SLC7A14: variants seen among roughly 807,000 people sequenced by gnomAD.
The protein encoded by SLC7A14 is solute carrier family 7 member 14, also known as gamma-aminobutyric acid transporter SLC7A14.
Under a neutral mutation model 60.2 loss-of-function variants are expected in SLC7A14, and 37 were observed. The ratio of observed to expected loss-of-function variants is 0.61; its 90% CI spans 0.47 to 0.81. SLC7A14 has a LOEUF of 0.81. Among genes scored for constraint, SLC7A14 ranks in the 30% least tolerant of loss-of-function variants. SLC7A14 has a pLI of 0.00. For synonymous variants in SLC7A14, 399 were observed against 395.8 expected (o/e 1.01, Z -0.10); for missense variants, 886 against 982.7 (o/e 0.90, Z 1.32).
chr3:170,460,034 C>T lies in SLC7A14; in HGVS notation c.*7021G>A, dbSNP rs1739563267. ...TGAAAATAAAACACATTTCATAATA[C>T]ATCTGCATATTATTTCTTTCTTCAT... is the stretch of plus-strand genomic sequence containing the variant. On this transcript the variant is annotated 3_prime_UTR_variant, in exon 8 of 8. Transcript: ENST00000231706. 1.3e-5 allele frequency: 2 copies of T among 152,238 alleles called. No individual in the cohort carries two copies. The highest frequency in any genetic ancestry group is 4.8e-5 in the African/African-American group (2 of 41,526). 9.4% of individuals were successfully genotyped at this position (152,238 alleles called of 1,614,324 possible).
rs745685632 is a variant in SLC7A14 at position 170,480,276 on chromosome 3, G to A, written c.1993+13C>T. On this transcript the variant is annotated intron_variant, in intron 7 of 7. Coordinates refer to ENST00000231706, the MANE Select transcript of SLC7A14 (RefSeq NM_020949.3). ...AAAAGGGAACTCTTAAGGCTCCAAA[G>A]GAAGTTGCTTACCCACAAAGCACCA... 20 of 1,519,170 alleles carry A rather than the reference G, an allele frequency of 1.3e-5. No individual in the cohort carries two copies. In the African/African-American group the frequency reaches 2.5e-4, roughly 19 times the overall value. The allele number at this position is 1,519,170 out of a possible 1,614,324, so 94.1% of individuals were successfully genotyped here. A position where few individuals can be genotyped will look rare whatever the true frequency, so the allele number is the denominator to read the frequency against.
chr3:170,478,562 T>C (rs1476002495), intron 7 of SLC7A14, among the ~76,000 whole-genome samples: 1 of 152,142 alleles, frequency 6.6e-6, no homozygotes, highest in African/African-American at 2.4e-5. Flanking sequence ...GGAAGACATA[T>C]GCCCTTTCCA....
At chr3:170,510,408 ATAAAT>A (rs1712941645) in intron 2 of SLC7A14, among the ~76,000 whole-genome samples, 2 of 143,530 alleles carry the variant, frequency 1.4e-5, no homozygotes, top group Middle Eastern at 3.2e-3. Flanking sequence ...AAATAAATAA[ATAAAT>A]AAATAAATAA....
intron 2 of SLC7A14, among the ~76,000 whole-genome samples, chr3:170,505,898 AAG>A (rs1417086882): frequency 2.6e-5 from 4 of 152,164 alleles, no homozygotes; most frequent in African/African-American, 4.8e-5. Flanking sequence ...AAAAAAAAAA[AAG>A]AGAGATTAAC....
chr3:170,494,508 C>T (rs968687681), intron 4 of SLC7A14, among the ~76,000 whole-genome samples: 1 of 152,174 alleles, frequency 6.6e-6, no homozygotes, highest in Non-Finnish European at 1.5e-5. Flanking sequence ...ATAAAGGCCT[C>T]AGAACAAAAC....
Position 170,561,258 on chromosome 3 carries a change from G to A in SLC7A14, c.-153+24653C>T, listed in dbSNP as rs147249863. ...CAGTCTTCTTCAGGATTAATACAGA[G>A]CCTAGCAAGCTTCTTGCAGCAAATA... On this transcript the variant is annotated intron_variant, in intron 1 of 7. Transcript: ENST00000231706. Among the ~76,000 whole-genome samples, 347 of 152,312 alleles carry A rather than the reference G, an allele frequency of 2.3e-3. 1 individual carries two copies. The highest frequency in any genetic ancestry group is 7.9e-3 in the African/African-American group (330 of 41,566).
intron 1 of SLC7A14, among the ~76,000 whole-genome samples, chr3:170,569,703 A>C (rs958111100): frequency 1.3e-5 from 2 of 152,062 alleles, no homozygotes; most frequent in Non-Finnish European, 2.9e-5. Flanking sequence ...TTATTGGTCT[A>C]TTCAGAGATT....
chr3:170,520,339 C>T (rs1171702404), intron 2 of SLC7A14, among the ~76,000 whole-genome samples: 1 of 152,192 alleles, frequency 6.6e-6, no homozygotes, highest in East Asian at 1.9e-4. Context: ...AAAGTAGGTA[C>T]TCAATAAGTG....
chr3:170,552,914 T>G (rs6802118), intron 1 of SLC7A14, among the ~76,000 whole-genome samples: 151,615 of 152,258 alleles, frequency 1, 75,488 homozygotes, highest in Middle Eastern at 1. Context: ...TTTCCTACAT[T>G]CCACCTAGCC....
intron 1 of SLC7A14, among the ~76,000 whole-genome samples, chr3:170,549,484 G>A (rs936902940): frequency 4.6e-5 from 7 of 152,176 alleles, no homozygotes; most frequent in Admixed American, 1.3e-4. Flanking sequence ...AAAGTGCTGG[G>A]ATTACAGACG....
intron 7 of SLC7A14, among the ~76,000 whole-genome samples, chr3:170,477,684 A>G (rs909559408): frequency 6.6e-6 from 1 of 152,248 alleles, no homozygotes; most frequent in Admixed American, 6.5e-5. Context: ...TTTCCAAGTA[A>G]TAGTATTTGT....
chr3:170,516,333 G>A (rs1422553168), intron 2 of SLC7A14, among the ~76,000 whole-genome samples: 2 of 152,118 alleles, frequency 1.3e-5, no homozygotes, highest in African/African-American at 4.8e-5. Flanking sequence ...CTGGAAAAGT[G>A]CTCTGCTAGT....
At chr3:170,569,207 G>A (rs1714875543) in intron 1 of SLC7A14, among the ~76,000 whole-genome samples, 1 of 152,074 alleles carries the variant, frequency 6.6e-6, no homozygotes, top group African/African-American at 2.4e-5. Flanking sequence ...TTTATTGAGA[G>A]TTTTTAGCAT....
At chr3:170,544,579 A>C (rs951368271) in intron 1 of SLC7A14, among the ~76,000 whole-genome samples, 1 of 152,228 alleles carries the variant, frequency 6.6e-6, no homozygotes, top group Non-Finnish European at 1.5e-5. Flanking sequence ...ATAAGTTTAA[A>C]ATGTCCCAAG....
At chr3:170,548,450 C>T (rs1192105228) in intron 1 of SLC7A14, among the ~76,000 whole-genome samples, 6 of 152,304 alleles carry the variant, frequency 3.9e-5, no homozygotes, top group African/African-American at 4.8e-5. Context: ...CAGAAGATGC[C>T]TCTACCTGTG....
intron 1 of SLC7A14, among the ~76,000 whole-genome samples, chr3:170,582,519 G>A (rs548383785): frequency 6.6e-5 from 10 of 152,162 alleles, no homozygotes; most frequent in East Asian, 3.8e-4. Context: ...GACAGTTTAA[G>A]GTTCTGGTTC....
chr3:170,530,034 A>T (rs1246643389), intron 1 of SLC7A14, among the ~76,000 whole-genome samples: 1 of 152,248 alleles, frequency 6.6e-6, no homozygotes, highest in East Asian at 1.9e-4. Flanking sequence ...TCTATTGCTT[A>T]AGCCACATGG....
intron 1 of SLC7A14, among the ~76,000 whole-genome samples, chr3:170,554,272 A>G (rs1714430080): frequency 6.6e-6 from 1 of 152,238 alleles, no homozygotes; most frequent in African/African-American, 2.4e-5. Context: ...CTGCACAGCC[A>G]TGATGTCAGT....
chr3:170,508,084 C>A (rs1454014742), intron 2 of SLC7A14, among the ~76,000 whole-genome samples: 1 of 152,218 alleles, frequency 6.6e-6, no homozygotes, highest in East Asian at 1.9e-4. Flanking sequence ...CTTTCTAATT[C>A]ACTCATTCAT....
Sources: allele counts gnomAD v4.1 joint callset (sites outside exome capture counted in the v4.1 genomes callset), GRCh38; gene constraint gnomAD v4.1.1; transcripts MANE v1.5; gene names NCBI Gene and HGNC (gene_info 2026-07-23, HGNC 2026-07-21).